The following RSPH14 variants were observed in gnomAD, a reference collection of about 807,000 sequenced individuals.
The protein encoded by RSPH14 is rhabdoid tumor deletion region gene 1.
RSPH14 carries 20 observed loss-of-function variants against 26.7 expected under a neutral mutation model. The ratio of observed to expected loss-of-function variants is 0.75; its 90% CI spans 0.53 to 1.09. The LOEUF (loss-of-function observed/expected upper bound fraction) is 1.09. Among genes scored for constraint, RSPH14 ranks in the 50% least tolerant of loss-of-function variants. The pLI is 0.00. For synonymous variants in RSPH14, 177 were observed against 189.3 expected (o/e 0.93, Z 0.53); for missense variants, 449 against 457.2 (o/e 0.98, Z 0.16).
intron 4 of RSPH14, chr22:23,070,351 A>ACGGGCGG (rs1239899649): frequency 2.3e-5 from 2 of 88,370 alleles, no homozygotes; most frequent in African/African-American, 6.6e-5. Flanking sequence ...GGACCCGCGG[A>ACGGGCGG]CTGGCGGCGG....
the RSPH14 span, among the ~76,000 whole-genome samples, chr22:23,165,797 G>A: frequency 3.3e-4 from 50 of 152,246 alleles, no homozygotes; most frequent in Admixed American, 9.2e-4. Flanking sequence ...GCTTGGCAGG[G>A]CCTTGCCACA....
intron 4 of RSPH14, among the ~76,000 whole-genome samples, chr22:23,077,848 C>T (rs2068548744): frequency 6.6e-6 from 1 of 152,192 alleles, no homozygotes; most frequent in African/African-American, 2.4e-5. Flanking sequence ...CCCTGACCCC[C>T]TGTGAACTGG....
upstream of RSPH14, chr22:23,145,310 T>A (rs1047646738): frequency 6.7e-7 from 1 of 1,489,592 alleles, no homozygotes; most frequent in Non-Finnish European, 9.1e-7. Flanking sequence ...CTCCAGGGTG[T>A]CCAGGAGTCT....
chr22:23,159,119 C>T, the RSPH14 span: 1 of 1,602,450 alleles, frequency 6.2e-7, no homozygotes, highest in Non-Finnish European at 8.5e-7. Flanking sequence ...GGCCTCCCTG[C>T]AGGAGAGCCG....
the RSPH14 span, chr22:23,150,173 G>A: frequency 6.3e-7 from 1 of 1,587,718 alleles, no homozygotes; most frequent in Non-Finnish European, 8.6e-7. Flanking sequence ...GCAGGGTGTG[G>A]GATGGGGGAG....
intron 4 of RSPH14, among the ~76,000 whole-genome samples, chr22:23,107,377 C>A (rs2069514193): frequency 6.6e-6 from 1 of 152,190 alleles, no homozygotes; most frequent in Non-Finnish European, 1.5e-5. Context: ...CCTACATGGG[C>A]AGCTGAGCAG....
the RSPH14 span, among the ~76,000 whole-genome samples, chr22:23,169,882 C>T: frequency 5.3e-5 from 8 of 151,950 alleles, no homozygotes; most frequent in South Asian, 4.2e-4. Flanking sequence ...GTGGGCGGAT[C>T]GCTTGAGCTC....
intron 4 of RSPH14, among the ~76,000 whole-genome samples, chr22:23,106,008 C>T (rs964340778): frequency 1.3e-5 from 2 of 152,168 alleles, no homozygotes; most frequent in African/African-American, 4.8e-5. Context: ...ACAGGAGCTC[C>T]AGGCCCTTTC....
At chr22:23,098,198 G>A (rs907012018) in intron 4 of RSPH14, among the ~76,000 whole-genome samples, 7 of 152,220 alleles carry the variant, frequency 4.6e-5, no homozygotes, top group African/African-American at 1.4e-4. Flanking sequence ...TGGTCAGCTT[G>A]TTTTGCTCCA....
At chr22:23,115,678 C>T (rs1337733032) in intron 4 of RSPH14, among the ~76,000 whole-genome samples, 1 of 152,200 alleles carries the variant, frequency 6.6e-6, no homozygotes, top group Non-Finnish European at 1.5e-5. Flanking sequence ...AGGCCCTGAG[C>T]ACTGCTGGCC....
the RSPH14 span, among the ~76,000 whole-genome samples, chr22:23,171,842 CAAAAAAAAAAAACAA>C: frequency 3.2e-5 from 1 of 30,794 alleles, no homozygotes; most frequent in Non-Finnish European, 5.7e-5. Flanking sequence ...AACTCTGTCT[CAAAAAAAAAAAACAA>C]AAAAAAAAAA....
chr22:23,068,370 G>A lies in RSPH14; in HGVS notation c.422-4237C>T, dbSNP rs538923573. On this transcript the variant is annotated intron_variant, in intron 4 of 6. Transcript: ENST00000216036. ...CCTCACATGACTGTAAGGCCCAATC[G>A]TTGTTTGCTTTCTGCCCCTGCCCTA... Among the ~76,000 whole-genome samples, 21 of 152,336 alleles carry A rather than the reference G, an allele frequency of 1.4e-4. No homozygotes were observed. The East Asian group carries it at 3.3e-3, about 24-fold the overall frequency.
the RSPH14 span, among the ~76,000 whole-genome samples, chr22:23,170,168 CAT>C: frequency 3.3e-5 from 5 of 151,610 alleles, no homozygotes; most frequent in South Asian, 4.2e-4. Context: ...AGAATTGTCA[CAT>C]GACATGGCCC....
chr22:23,139,903 T>A (rs531286789), intron 2 of RSPH14, among the ~76,000 whole-genome samples: 51 of 152,208 alleles, frequency 3.4e-4, no homozygotes, highest in African/African-American at 1.1e-3. Context: ...TATAAAAAAA[T>A]AATAATAAGA....
chr22:23,175,758 GC>G, the RSPH14 span, among the ~76,000 whole-genome samples: 22 of 152,318 alleles, frequency 1.4e-4, no homozygotes, highest in African/African-American at 4.8e-4. Context: ...AGCGCTCAGG[GC>G]CCATCCAGCC....
rs138703573 is a variant in RSPH14, at chr22:23,059,740, C to T, written c.791-22G>A. ...TTCCCTGCAGGCCACCAACACAAGG[C>T]GTTCCAAACAGCCCAAGGGGCCCTC... On this transcript the variant is annotated intron_variant, in intron 6 of 6. Coordinates refer to ENST00000216036, the MANE Select transcript of RSPH14 (RefSeq NM_014433.3). 9.7e-3 allele frequency: 14,588 copies of T among 1,503,570 alleles called. 83 individuals carry two copies. The highest frequency in any genetic ancestry group is 0.011 in the Non-Finnish European group (12,819 of 1,131,128). The allele number at this position is 1,503,570 out of a possible 1,614,324, so 93.1% of individuals were successfully genotyped here. A position where few individuals can be genotyped will look rare whatever the true frequency, so the allele number is the denominator to read the frequency against.
the RSPH14 span, chr22:23,150,202 G>C: frequency 7.0e-7 from 1 of 1,422,882 alleles, no homozygotes; most frequent in Admixed American, 1.9e-5. Context: ...AAGAAGGAAT[G>C]AGTGCATGAA....
In RSPH14 at chr22:23,075,680, G is replaced by T. The variant is rs574707600; in HGVS notation, c.422-11547C>A. ...GGGCCTTACACATAGTGTCAAGCCC[G>T]GGGGTGTTCCTTCTAGCAGCCTCCA... is the stretch of plus-strand genomic sequence containing the variant. On this transcript the variant is annotated intron_variant, in intron 4 of 6. Transcript: ENST00000216036. Among the ~76,000 whole-genome samples, 3 of 152,224 alleles carry T rather than the reference G, an allele frequency of 2.0e-5. No individual in the cohort carries two copies. The South Asian group carries it at 6.2e-4, about 32-fold the overall frequency.
At chr22:23,162,676 CCT>C in the RSPH14 span, 1 of 456,302 alleles carries the variant, frequency 2.2e-6, no homozygotes, top group Non-Finnish European at 4.4e-6. Context: ...GCCCCAGGCC[CCT>C]GTCACCTGGC....
Sources: gnomAD v4.1 joint callset for allele counts (sites outside exome capture counted in the v4.1 genomes callset) on GRCh38, gnomAD v4.1.1 for gene constraint, MANE v1.5 for transcripts, NCBI Gene and HGNC (gene_info 2026-07-23, HGNC 2026-07-21) for gene names.